Variants in USP49 observed in about 807,000 individuals in gnomAD.
USP49 encodes ubiquitin specific peptidase 49.
USP49 carries 24 observed loss-of-function variants against 58.6 expected under a neutral mutation model. The ratio of observed to expected loss-of-function variants is 0.41; its 90% CI spans 0.30 to 0.58. The LOEUF (loss-of-function observed/expected upper bound fraction) is 0.58. Ranked by LOEUF, USP49 falls within the 20% of genes least tolerant of loss-of-function variation. USP49 has a pLI of 0.30. For missense variants in USP49, 703 were observed against 866.1 expected (o/e 0.81, Z 2.36); for synonymous variants, 408 against 365.1 (o/e 1.12, Z -1.34).
intron 3 of USP49, among the ~76,000 whole-genome samples, chr6:41,856,606 TA>T (rs1469423175): frequency 1.3e-5 from 2 of 152,094 alleles, no homozygotes; most frequent in Non-Finnish European, 1.5e-5. Flanking sequence ...CAGATAAGCC[TA>T]GGGGGCATGG....
rs1476447777 is a variant in USP49, at chr6:41,796,282, A to G, written c.*251T>C. The G allele has an allele frequency of 1.5e-5, 6 of 393,158 alleles. No individual in the cohort carries two copies. The highest frequency in any genetic ancestry group is 2.8e-5 in the Non-Finnish European group (6 of 216,394). The allele number at this position is 393,158 out of a possible 1,614,324, so 24.4% of individuals were successfully genotyped here. A position where few individuals can be genotyped will look rare whatever the true frequency, so the allele number is the denominator to read the frequency against. On this transcript the variant is annotated 3_prime_UTR_variant, in exon 8 of 8. Coordinates refer to ENST00000682992, the MANE Select transcript of USP49 (RefSeq NM_001286554.2). ...CCTCCACCCAGATCCCTCTATATTC[A>G]GAAGCAACTGATGAAAGGATCTTCA... is the stretch of plus-strand genomic sequence containing the variant.
chr6:41,844,135 C>T (rs1048047063), intron 3 of USP49, among the ~76,000 whole-genome samples: 3 of 151,140 alleles, frequency 2.0e-5, no homozygotes, highest in African/African-American at 2.4e-5. Flanking sequence ...GCACAAGAAC[C>T]GCTTAAACTC....
chr6:41,800,313 A>G (rs1218259178), intron 5 of USP49, among the ~76,000 whole-genome samples: 2 of 152,224 alleles, frequency 1.3e-5, no homozygotes, highest in Non-Finnish European at 2.9e-5. Flanking sequence ...GAAAACAGAA[A>G]TAGCTTGGGT....
chr6:41,809,388 G>A (rs1040482512), intron 3 of USP49, among the ~76,000 whole-genome samples: 2 of 152,022 alleles, frequency 1.3e-5, no homozygotes, highest in African/African-American at 4.8e-5. Flanking sequence ...AGCCAGACGT[G>A]GTGGCAGGCG....
chr6:41,827,202 G>A (rs1000103896), intron 3 of USP49, among the ~76,000 whole-genome samples: 7 of 152,170 alleles, frequency 4.6e-5, no homozygotes, highest in South Asian at 2.1e-4. Flanking sequence ...GGCATCATAC[G>A]TTATTCTCAC....
intron 5 of USP49, among the ~76,000 whole-genome samples, chr6:41,802,407 T>TTTTATTTTATTTTATTTTATTTTA (rs1773019068): frequency 3.9e-5 from 3 of 76,100 alleles, no homozygotes; most frequent in Non-Finnish European, 2.8e-5. Context: ...TTTATTTTAT[T>TTTTATTTTATTTTATTTTATTTTA]TTTTATTTTA....
chr6:41,889,918 T>C (rs1161174712), intron 2 of USP49, among the ~76,000 whole-genome samples: 1 of 152,214 alleles, frequency 6.6e-6, no homozygotes, highest in Non-Finnish European at 1.5e-5. Flanking sequence ...GAATTTCTTG[T>C]ATCATTTTTG....
At chr6:41,890,222 A>G (rs1774787762) in intron 2 of USP49, among the ~76,000 whole-genome samples, 1 of 152,054 alleles carries the variant, frequency 6.6e-6, no homozygotes, top group South Asian at 2.1e-4. Flanking sequence ...TACTAAAAAT[A>G]CAAAACCTTG....
chr6:41,862,770 T>C (rs1402137598), intron 3 of USP49, among the ~76,000 whole-genome samples: 1 of 152,132 alleles, frequency 6.6e-6, no homozygotes, highest in Non-Finnish European at 1.5e-5. Flanking sequence ...TTAATATTTA[T>C]TTTGTTTGAC....
Position 41,884,934 on chromosome 6 carries a change from A to G in USP49, c.-103+6860T>C, listed in dbSNP as rs78789841. On this transcript the variant is annotated intron_variant, in intron 2 of 7. Coordinates refer to ENST00000682992, the MANE Select transcript of USP49 (RefSeq NM_001286554.2). ...GAAGTTCTTTAAATGACAAAGTTAA[A>G]TGAAAAATCAAAATACAAAAAGAAC... Among the ~76,000 whole-genome samples, 359 of 152,354 alleles carry G rather than the reference A, an allele frequency of 2.4e-3. 4 individuals carry two copies. The East Asian group carries it at 0.045, about 19-fold the overall frequency.
intron 2 of USP49, among the ~76,000 whole-genome samples, chr6:41,884,748 C>G (rs1774678334): frequency 6.6e-6 from 1 of 152,104 alleles, no homozygotes; most frequent in South Asian, 2.1e-4. Flanking sequence ...AGAAACTTTT[C>G]TTATTTCTGC....
chr6:41,848,169 T>C (rs1231050549), intron 3 of USP49, among the ~76,000 whole-genome samples: 1 of 151,998 alleles, frequency 6.6e-6, no homozygotes, highest in Admixed American at 6.6e-5. Context: ...AGATGATTTA[T>C]GCAATCACAA....
chr6:41,893,339 C>A (rs1253948093), intron 1 of USP49, among the ~76,000 whole-genome samples: 1 of 152,210 alleles, frequency 6.6e-6, no homozygotes, highest in Non-Finnish European at 1.5e-5. Context: ...ATCTCTCCCC[C>A]AGTAAACTTC....
chr6:41,801,478 G>A (rs1380482783), intron 5 of USP49, among the ~76,000 whole-genome samples: 1 of 152,224 alleles, frequency 6.6e-6, no homozygotes, highest in Non-Finnish European at 1.5e-5. Flanking sequence ...CCAGGGTGTA[G>A]TCGTCACAAT....
In USP49 at chr6:41,866,865, G is replaced by A. The variant is rs556900070; in HGVS notation, c.-29+4699C>T. Among the ~76,000 whole-genome samples, 9 of 152,172 alleles carry A rather than the reference G, an allele frequency of 5.9e-5. No individual in the cohort carries two copies. The East Asian group carries it at 9.6e-4, about 16-fold the overall frequency. ...ATCAGCCCCTGAAAGGATCTTGAGGGGCCCCAGACCACCCTTTAAGACATT... is the reference window on the plus strand; with the variant it reads ...ATCAGCCCCTGAAAGGATCTTGAGGAGCCCCAGACCACCCTTTAAGACATT... On this transcript the variant is annotated intron_variant, in intron 3 of 7. Coordinates refer to ENST00000682992, the MANE Select transcript of USP49 (RefSeq NM_001286554.2).
At position 41,819,418 on chromosome 6, in the gene USP49, C is replaced by T. The variant is rs1016190490; in HGVS notation, c.-28-12407G>A. On this transcript the variant is annotated intron_variant, in intron 3 of 7. Transcript: ENST00000682992. ...ATCATGGTTCATCCCTGTAGTATGC[C>T]TCTCTAACGCCATGTTCTCTACAGC... Among the ~76,000 whole-genome samples, 5 of 151,820 alleles carry T rather than the reference C, an allele frequency of 3.3e-5. No individual in the cohort carries two copies. In the South Asian group the frequency reaches 1.0e-3, roughly 32 times the overall value.
At chr6:41,847,002 G>C (rs1773935578) in intron 3 of USP49, among the ~76,000 whole-genome samples, 1 of 152,202 alleles carries the variant, frequency 6.6e-6, no homozygotes, top group South Asian at 2.1e-4. Context: ...GAAAAAGGTT[G>C]AGAGATCCTG....
intron 3 of USP49, among the ~76,000 whole-genome samples, chr6:41,831,027 T>C (rs1003226500): frequency 2.0e-5 from 3 of 151,422 alleles, no homozygotes; most frequent in Non-Finnish European, 2.9e-5. Context: ...GAGGCAGAGG[T>C]GGGCAGATCA....
intron 2 of USP49, among the ~76,000 whole-genome samples, chr6:41,883,163 C>A (rs1774641469): frequency 6.6e-6 from 1 of 151,858 alleles, no homozygotes; most frequent in South Asian, 2.1e-4. Flanking sequence ...AACAGCCTAG[C>A]CAACATGGCA....
Sources: allele counts gnomAD v4.1 joint callset (sites outside exome capture counted in the v4.1 genomes callset), GRCh38; gene constraint gnomAD v4.1.1; transcripts MANE v1.5; gene names NCBI Gene and HGNC (gene_info 2026-07-23, HGNC 2026-07-21).